HIPK2: variants seen among roughly 807,000 people sequenced by gnomAD.
HIPK2 encodes the protein homeodomain interacting protein kinase 2.
In HIPK2, 27 loss-of-function variants were observed where a neutral mutation model predicts 113.7. The ratio of observed to expected loss-of-function variants is 0.24; its 90% CI spans 0.17 to 0.33. The LOEUF (loss-of-function observed/expected upper bound fraction) is 0.33, where lower values mean the gene tolerates loss of function less well. HIPK2 is among the 10% of genes least tolerant of loss of function. The pLI, the probability that HIPK2 is intolerant of heterozygous loss-of-function variation, is 1.00. For synonymous variants in HIPK2, 631 were observed against 642.2 expected (o/e 0.98, Z 0.26); for missense variants, 1,257 against 1,588.0 (o/e 0.79, Z 3.54).
At chr7:139,768,685 C>T (rs2117167556) in intron 1 of HIPK2, among the ~76,000 whole-genome samples, 1 of 152,264 alleles carries the variant, frequency 6.6e-6, no homozygotes, top group South Asian at 2.1e-4. Context: ...GCACTGTGGG[C>T]TGCAAGGGGA....
intron 12 of HIPK2, among the ~76,000 whole-genome samples, chr7:139,585,601 T>G (rs1003552206): frequency 2.0e-5 from 3 of 152,228 alleles, no homozygotes; most frequent in Non-Finnish European, 4.4e-5. Context: ...AGTGATTCAG[T>G]GGCCTCATCA....
At chr7:139,653,785 T>C (rs1042154937) in intron 2 of HIPK2, among the ~76,000 whole-genome samples, 1 of 151,482 alleles carries the variant, frequency 6.6e-6, no homozygotes, top group African/African-American at 2.4e-5. Context: ...CAGGCTGGAG[T>C]GCAGTGGCAT....
At chr7:139,711,136 A>G (rs752904946) in intron 2 of HIPK2, among the ~76,000 whole-genome samples, 61 of 143,322 alleles carry the variant, frequency 4.3e-4, no homozygotes, top group Non-Finnish European at 8.3e-4. Context: ...AGAATCAGAC[A>G]AAAAAAAAAG....
intron 1 of HIPK2, among the ~76,000 whole-genome samples, chr7:139,744,439 A>G (rs1796157350): frequency 6.6e-6 from 1 of 152,238 alleles, no homozygotes; most frequent in Admixed American, 6.5e-5. Context: ...GGAGTGAGTT[A>G]ACAGGAATGG....
intron 1 of HIPK2, among the ~76,000 whole-genome samples, chr7:139,755,346 T>C (rs375238727): frequency 2.0e-5 from 3 of 152,236 alleles, no homozygotes; most frequent in African/African-American, 7.2e-5. Context: ...ACCCTGGAGC[T>C]GATGACCTCA....
Position 139,777,679 on chromosome 7 carries a change from C to A in HIPK2, c.-56G>T. On this transcript the variant is annotated 5_prime_UTR_variant, in exon 1 of 15. Coordinates refer to ENST00000406875, the MANE Select transcript of HIPK2 (RefSeq NM_022740.5). ...CGGGGACGGGAAAGCGGCGCGCGAG[C>A]TCGGCCCCCCCAGCCTCAGTCGGAA... 9.2e-7 allele frequency: 1 copy of A among 1,087,072 alleles called. No homozygotes were observed. Among genetic ancestry groups the A allele is most frequent in the Non-Finnish European group, 1.1e-6 (1 of 894,274 alleles). The allele number at this position is 1,087,072 out of a possible 1,614,324, so 67.3% of individuals were successfully genotyped here. A position where few individuals can be genotyped will look rare whatever the true frequency, so the allele number is the denominator to read the frequency against.
chr7:139,643,046 A>G lies in HIPK2; in HGVS notation c.1104-11321T>C, dbSNP rs113686914. The stretch of plus-strand genomic sequence containing the variant: ...AGAACCACTGTTGCAGAGATTTTCT[A>G]CCTAAGGGGCCGCTACTGATGTCCA... On this transcript the variant is annotated intron_variant, in intron 2 of 14. Transcript: ENST00000406875. Among the ~76,000 whole-genome samples, 619 of 152,226 alleles carry G rather than the reference A, an allele frequency of 4.1e-3. 4 individuals carry two copies. The highest frequency in any genetic ancestry group is 0.014 in the African/African-American group (570 of 41,538).
At chr7:139,694,229 T>C (rs1402451095) in intron 2 of HIPK2, among the ~76,000 whole-genome samples, 1 of 152,120 alleles carries the variant, frequency 6.6e-6, no homozygotes, top group Non-Finnish European at 1.5e-5. Flanking sequence ...CTTTAATCCA[T>C]CCTCCTGTAA....
chr7:139,615,203 G>A (rs1799995753), intron 7 of HIPK2, among the ~76,000 whole-genome samples: 1 of 152,244 alleles, frequency 6.6e-6, no homozygotes, highest in African/African-American at 2.4e-5. Flanking sequence ...CCGAGGAGGG[G>A]CTCAGGACTA....
intron 2 of HIPK2, among the ~76,000 whole-genome samples, chr7:139,668,426 G>A (rs1802135223): frequency 6.6e-6 from 1 of 152,008 alleles, no homozygotes; most frequent in African/African-American, 2.4e-5. Flanking sequence ...GCTGGGCATG[G>A]TGGTGTGTGC....
At chr7:139,628,380 G>C (rs1585298191) in intron 5 of HIPK2, among the ~76,000 whole-genome samples, 1 of 152,192 alleles carries the variant, frequency 6.6e-6, no homozygotes, top group East Asian at 1.9e-4. Context: ...TTCTTCTCAT[G>C]ATAACATCAG....
chr7:139,587,442 T>C (rs963889579), intron 12 of HIPK2, among the ~76,000 whole-genome samples: 1 of 143,650 alleles, frequency 7.0e-6, no homozygotes, highest in African/African-American at 2.7e-5. Flanking sequence ...TGAGCCAAGA[T>C]TGCACCATTG....
At chr7:139,711,065 A>T (rs1795051880) in intron 2 of HIPK2, among the ~76,000 whole-genome samples, 1 of 151,856 alleles carries the variant, frequency 6.6e-6, no homozygotes, top group Non-Finnish European at 1.5e-5. Context: ...AGAATGGAAT[A>T]ATACACACCC....
intron 14 of HIPK2, among the ~76,000 whole-genome samples, chr7:139,574,507 C>G (rs1299048235): frequency 6.6e-6 from 1 of 152,208 alleles, no homozygotes; most frequent in African/African-American, 2.4e-5. Context: ...CCTGGGGCAG[C>G]ACTTCAGATG....
Position 139,620,393 on chromosome 7 carries a change from C to G in HIPK2, c.1782+8G>C, listed in dbSNP as rs542486167. The G allele has an allele frequency of 5.6e-6, 9 of 1,613,802 alleles. No homozygotes were observed. The highest frequency in any genetic ancestry group is 6.8e-6 in the Non-Finnish European group (8 of 1,179,854). ...CCCGCCTCTCCTTCCCTTCTGTTTC[C>G]CACTTACCTGGTTGTGGACAGTGGT... On this transcript the variant is annotated splice_region_variant and intron_variant, in intron 7 of 14. Coordinates refer to ENST00000406875, the MANE Select transcript of HIPK2 (RefSeq NM_022740.5).
At chr7:139,670,913 A>G (rs1458072156) in intron 2 of HIPK2, among the ~76,000 whole-genome samples, 1 of 151,088 alleles carries the variant, frequency 6.6e-6, no homozygotes, top group East Asian at 1.9e-4. Context: ...GGCCTGCGCC[A>G]CCATGCCTGG....
intron 2 of HIPK2, among the ~76,000 whole-genome samples, chr7:139,685,619 C>T (rs1339735670): frequency 7.9e-5 from 12 of 152,142 alleles, no homozygotes; most frequent in Non-Finnish European, 4.4e-5. Context: ...GACTTTAAGT[C>T]GAAGCCAGTG....
intron 2 of HIPK2, among the ~76,000 whole-genome samples, chr7:139,646,070 G>A (rs1165371931): frequency 6.6e-6 from 1 of 152,170 alleles, no homozygotes; most frequent in African/African-American, 2.4e-5. Flanking sequence ...GGTCACAGAG[G>A]AAATACTAAG....
intron 2 of HIPK2, among the ~76,000 whole-genome samples, chr7:139,675,637 G>C (rs1802470667): frequency 6.6e-6 from 1 of 152,186 alleles, no homozygotes; most frequent in Non-Finnish European, 1.5e-5. Context: ...GTTGATGTCA[G>C]CAAGAACCAG....
Sources: allele counts gnomAD v4.1 joint callset (sites outside exome capture counted in the v4.1 genomes callset), GRCh38; gene constraint gnomAD v4.1.1; transcripts MANE v1.5; gene names NCBI Gene and HGNC (gene_info 2026-07-23, HGNC 2026-07-21).